SNX18: variants seen among roughly 807,000 people sequenced by gnomAD.
The protein encoded by SNX18 is sorting nexin 18.
Under a neutral mutation model 48.7 loss-of-function variants are expected in SNX18, and 35 were observed. The observed-to-expected ratio is 0.72, with a 90% CI of 0.55 to 0.95. SNX18 has a LOEUF of 0.95. Among genes scored for constraint, SNX18 ranks in the 40% least tolerant of loss-of-function variants. The probability of loss-of-function intolerance (pLI) is 0.00; values close to 1 mark genes in which losing one functional copy is unlikely to be tolerated. For synonymous variants in SNX18, 492 were observed against 384.7 expected, an observed-to-expected ratio of 1.28 and a Z score of -3.26; for missense variants, 824 against 871.0, an observed-to-expected ratio of 0.95 and a Z score of 0.68.
At chr5:54,624,185 A>G in the SNX18 span, among the ~76,000 whole-genome samples, 1 of 152,222 alleles carries the variant, frequency 6.6e-6, no homozygotes, top group Non-Finnish European at 1.5e-5. Flanking sequence ...ACTATATAGT[A>G]TCAATCATAT....
intron 1 of SNX18, among the ~76,000 whole-genome samples, chr5:54,522,580 G>A (rs1762051693): frequency 6.6e-6 from 1 of 152,184 alleles, no homozygotes; most frequent in Non-Finnish European, 1.5e-5. Flanking sequence ...TGGGAAGGGG[G>A]AAGCAAGTCC....
In SNX18 at chr5:54,520,793, C is replaced by G. The variant is rs568592824; in HGVS notation, c.1621+1220C>G. 1.8e-5 allele frequency: 3 copies of G among 167,228 alleles called. No homozygotes were observed. The South Asian group carries it at 6.2e-4, about 35-fold the overall frequency. The allele number at this position is 167,228 out of a possible 1,614,324, so 10.4% of individuals were successfully genotyped here. Reference sequence around the variant, plus strand: ...CAAATGCGTGACTGGTCTTCTGACTCCTATGGGGGAAGGGGCTTGCTGGGA... The same window carrying G: ...CAAATGCGTGACTGGTCTTCTGACTGCTATGGGGGAAGGGGCTTGCTGGGA... On this transcript the variant is annotated intron_variant, in intron 1 of 1. Transcript: ENST00000381410.
chr5:54,600,363 C>A, the SNX18 span, among the ~76,000 whole-genome samples: 3 of 152,272 alleles, frequency 2.0e-5, no homozygotes, highest in East Asian at 5.8e-4. Flanking sequence ...AATAGGGACA[C>A]TTTTACACTG....
At chr5:54,526,820 G>A (rs1260617832) in intron 1 of SNX18, among the ~76,000 whole-genome samples, 2 of 152,176 alleles carry the variant, frequency 1.3e-5, no homozygotes, top group Non-Finnish European at 2.9e-5. Context: ...GGAGAAAACA[G>A]TAGAGCAGGG....
At chr5:54,625,158 G>A in the SNX18 span, among the ~76,000 whole-genome samples, 1 of 152,170 alleles carries the variant, frequency 6.6e-6, no homozygotes, top group Non-Finnish European at 1.5e-5. Flanking sequence ...TGTGTATGAG[G>A]GGAAGGGGGA....
the SNX18 span, among the ~76,000 whole-genome samples, chr5:54,565,320 T>A: frequency 2.6e-5 from 4 of 152,190 alleles, no homozygotes; most frequent in South Asian, 6.2e-4. Flanking sequence ...AAGCCTATAA[T>A]CCCAGCACTT....
the SNX18 span, among the ~76,000 whole-genome samples, chr5:54,577,745 G>C: frequency 3.7e-4 from 57 of 152,314 alleles, no homozygotes; most frequent in Non-Finnish European, 6.8e-4. Context: ...ACAGAGAGTG[G>C]CTGAAGCTCT....
chr5:54,608,975 T>A, the SNX18 span, among the ~76,000 whole-genome samples: 1 of 152,232 alleles, frequency 6.6e-6, no homozygotes, highest in Non-Finnish European at 1.5e-5. Flanking sequence ...TGTCCCAACC[T>A]GTATATCTCA....
chr5:54,533,287 C>A (rs747703122), intron 1 of SNX18, among the ~76,000 whole-genome samples: 1 of 152,140 alleles, frequency 6.6e-6, no homozygotes, highest in Non-Finnish European at 1.5e-5. Context: ...CAGAAAATTG[C>A]TTTCCCTGAC....
chr5:54,578,303 A>G, the SNX18 span, among the ~76,000 whole-genome samples: 1 of 152,212 alleles, frequency 6.6e-6, no homozygotes, highest in African/African-American at 2.4e-5. Flanking sequence ...TTGCTAAACA[A>G]AGGCATTCTC....
At chr5:54,635,360 T>C in the SNX18 span, among the ~76,000 whole-genome samples, 54 of 152,184 alleles carry the variant, frequency 3.5e-4, no homozygotes, top group African/African-American at 1.3e-3. Flanking sequence ...TATAAGAAAA[T>C]TCTTACAGAC....
At chr5:54,595,631 C>T in the SNX18 span, among the ~76,000 whole-genome samples, 1 of 152,210 alleles carries the variant, frequency 6.6e-6, no homozygotes, top group African/African-American at 2.4e-5. Flanking sequence ...CTTCTCTCTG[C>T]AGCCTCACCA....
rs1762520000 is a variant in SNX18, at chr5:54,543,987, T to C, written c.*555T>C. ...TCTGATTGAAAGAGTGAAAGGCCAG[T>C]GCATATAATGACAAACTGATGATAA... On this transcript the variant is annotated 3_prime_UTR_variant, in exon 2 of 2. Transcript: ENST00000381410. 1 of 130,536 alleles carries C rather than the reference T, an allele frequency of 7.7e-6. No homozygotes were observed. The highest frequency in any genetic ancestry group is 2.9e-5 in the African/African-American group (1 of 34,066). 8.1% of individuals were successfully genotyped at this position (130,536 alleles called of 1,614,324 possible). A position where few individuals can be genotyped will look rare whatever the true frequency, so the allele number is the denominator to read the frequency against.
chr5:54,646,882 C>T, the SNX18 span, among the ~76,000 whole-genome samples: 2 of 152,174 alleles, frequency 1.3e-5, no homozygotes, highest in Non-Finnish European at 2.9e-5. Flanking sequence ...TTGTTTTCAA[C>T]AGGCCTCCTG....
At chr5:54,606,304 A>T in the SNX18 span, among the ~76,000 whole-genome samples, 7 of 152,218 alleles carry the variant, frequency 4.6e-5, no homozygotes, top group Non-Finnish European at 8.8e-5. Flanking sequence ...TTCTTATATG[A>T]ATCTTCTTTT....
the SNX18 span, among the ~76,000 whole-genome samples, chr5:54,596,933 A>G: frequency 6.6e-6 from 1 of 152,122 alleles, no homozygotes; most frequent in Non-Finnish European, 1.5e-5. Flanking sequence ...GAGTGGATCA[A>G]AAAAGGATGT....
chr5:54,580,217 T>C, the SNX18 span, among the ~76,000 whole-genome samples: 1 of 152,182 alleles, frequency 6.6e-6, no homozygotes, highest in East Asian at 1.9e-4. Context: ...TTACTACAGC[T>C]GGCCTTAACA....
intron 1 of SNX18, among the ~76,000 whole-genome samples, chr5:54,522,921 A>AT (rs1429447185): frequency 6.6e-6 from 1 of 152,116 alleles, no homozygotes; most frequent in East Asian, 1.9e-4. Flanking sequence ...TGGAATTTTG[A>AT]TTTTTTTTCA....
the SNX18 span, among the ~76,000 whole-genome samples, chr5:54,605,015 G>A: frequency 6.6e-6 from 1 of 152,162 alleles, no homozygotes; most frequent in African/African-American, 2.4e-5. Flanking sequence ...GCTGGATATT[G>A]GAGGAACAGA....
Sources: allele counts gnomAD v4.1 joint callset (sites outside exome capture counted in the v4.1 genomes callset), GRCh38; gene constraint gnomAD v4.1.1; transcripts MANE v1.5; gene names NCBI Gene and HGNC (gene_info 2026-07-23, HGNC 2026-07-21).